Variants in TRAPPC8 observed in about 807,000 individuals in gnomAD.
TRAPPC8 encodes the protein general sporulation gene 1 homolog.
A neutral mutation model predicts 174.3 loss-of-function variants in TRAPPC8; 54 were observed. The observed-to-expected ratio is 0.31, with a 90% CI of 0.25 to 0.39. The LOEUF (loss-of-function observed/expected upper bound fraction) is 0.39. Among genes scored for constraint, TRAPPC8 ranks in the 10% least tolerant of loss-of-function variants. The pLI is 1.00. For missense variants in TRAPPC8, 1,531 were observed against 1,699.1 expected (o/e 0.90, Z 1.74); for synonymous variants, 630 against 579.9 (o/e 1.09, Z -1.24).
At position 31,943,025 on chromosome 18, in the gene TRAPPC8, C is replaced by T; in HGVS notation, c.-261G>A. On this transcript the variant is annotated 5_prime_UTR_variant, in exon 1 of 29. Coordinates refer to ENST00000283351, the MANE Select transcript of TRAPPC8 (RefSeq NM_014939.5). ...CGCATTCCACCCCGATAGGTGGAGA[C>T]GCCGACAGTCACCACTTAGTCCTTC... 1.7e-6 allele frequency: 1 copy of T among 595,594 alleles called. No homozygotes were observed. Among genetic ancestry groups the T allele is most frequent in the Admixed American group, 4.4e-5 (1 of 22,930 alleles). 36.9% of individuals were successfully genotyped at this position (595,594 alleles called of 1,614,324 possible). A position where few individuals can be genotyped will look rare whatever the true frequency, so the allele number is the denominator to read the frequency against.
At chr18:31,832,047 C>A in intron 28 of TRAPPC8, 37 bp downstream of exon 28, 1 of 1,336,558 alleles carries the variant, frequency 7.5e-7, no homozygotes, top group Non-Finnish European at 1.0e-6. Flanking sequence ...TTAAATTGCT[C>A]CCAAATCAAA....
At chr18:31,847,200 A>C (rs2033453854) in intron 25 of TRAPPC8, among the ~76,000 whole-genome samples, 1 of 152,226 alleles carries the variant, frequency 6.6e-6, no homozygotes, top group Middle Eastern at 3.2e-3. Context: ...GAAATGTCCT[A>C]GGGTTTATCA....
At chr18:31,849,539 T>C (rs2033596143) in intron 25 of TRAPPC8, 27 bp downstream of exon 25, 2 of 1,551,556 alleles carry the variant, frequency 1.3e-6, no homozygotes, top group Admixed American at 1.9e-5. Flanking sequence ...TAAGTGAGGC[T>C]TGCTGAAATA....
intron 20 of TRAPPC8, among the ~76,000 whole-genome samples, chr18:31,856,633 G>A (rs80078064): frequency 0.034 from 5,120 of 151,928 alleles, 293 homozygotes; most frequent in African/African-American, 0.12. Context: ...CATTTCAAAG[G>A]TTTCTTCCTC....
rs150841405 is a variant in TRAPPC8, at chr18:31,838,374, G to A, written c.3983+938C>T. 1.7e-3 allele frequency among the ~76,000 whole-genome samples: 264 copies of A among 152,212 alleles called. 1 individual carries two copies. Among genetic ancestry groups the A allele is most frequent in the African/African-American group, 5.0e-3 (207 of 41,534 alleles). On this transcript the variant is annotated intron_variant, in intron 27 of 28. Transcript: ENST00000283351. ...CGTGTAAGAAGGTCCCTTCTTTAGC[G>A]CAAAGCAAATCCTGTCATTCTTCAG...
Position 31,864,618 on chromosome 18 carries a change from G to T in TRAPPC8, c.2745+9C>A, listed in dbSNP as rs114465558. The T allele has an allele frequency of 6.2e-7, 1 of 1,605,336 alleles. No individual in the cohort carries two copies. Reference sequence around the variant, plus strand: ...AATTAAGTCCATGAAATTTTAAAAAGTGAAATACCTCCAACAGTGGCATTT... The same window carrying T: ...AATTAAGTCCATGAAATTTTAAAAATTGAAATACCTCCAACAGTGGCATTT... On this transcript the variant is annotated intron_variant, in intron 19 of 28. Coordinates refer to ENST00000283351, the MANE Select transcript of TRAPPC8 (RefSeq NM_014939.5).
At chr18:31,873,310 AC>A (rs1388123376) in intron 14 of TRAPPC8, 119 bp downstream of exon 14, 3 of 821,280 alleles carry the variant, frequency 3.7e-6, no homozygotes, top group Non-Finnish European at 5.7e-6. Context: ...AGCCAATCGT[AC>A]CCGGCTGAGC....
intron 12 of TRAPPC8, among the ~76,000 whole-genome samples, chr18:31,880,822 A>C (rs2035413465): frequency 6.6e-6 from 1 of 152,136 alleles, no homozygotes; most frequent in Non-Finnish European, 1.5e-5. Flanking sequence ...ATACAAATTT[A>C]ATGCACAAAA....
At chr18:31,850,823 C>T (rs933931531) in intron 24 of TRAPPC8, among the ~76,000 whole-genome samples, 1 of 152,092 alleles carries the variant, frequency 6.6e-6, no homozygotes, top group African/African-American at 2.4e-5. Flanking sequence ...AGTGCTCTTA[C>T]ACTAAATTAT....
intron 27 of TRAPPC8, among the ~76,000 whole-genome samples, chr18:31,835,628 C>T (rs924025432): frequency 6.6e-6 from 1 of 152,198 alleles, no homozygotes; most frequent in African/African-American, 2.4e-5. Context: ...ACTCTCTCAT[C>T]TGTTTTTGAG....
At position 31,904,162 on chromosome 18, in the gene TRAPPC8, A is replaced by G. The variant is rs369480299; in HGVS notation, c.1390-3137T>C. 5.9e-5 allele frequency among the ~76,000 whole-genome samples: 9 copies of G among 151,982 alleles called. No individual in the cohort carries two copies. The South Asian group carries it at 1.2e-3, about 21-fold the overall frequency. ...TGAGGTAGGAGGATCAGTTGAGCCC[A>G]GGAGGTGGAGGCTGCATAAACTGTC... On this transcript the variant is annotated intron_variant, in intron 9 of 28. Transcript: ENST00000283351.
chr18:31,914,764 A>T (rs1230558013), intron 4 of TRAPPC8, among the ~76,000 whole-genome samples: 1 of 152,232 alleles, frequency 6.6e-6, no homozygotes, highest in Non-Finnish European at 1.5e-5. Context: ...AGCCAAAATA[A>T]GCTCCAAAGC....
chr18:31,895,532 G>T (rs2036147396), intron 11 of TRAPPC8, among the ~76,000 whole-genome samples: 1 of 152,148 alleles, frequency 6.6e-6, no homozygotes, highest in Middle Eastern at 3.2e-3. Context: ...GAGTTGGAAA[G>T]AAGAGAAAAA....
intron 2 of TRAPPC8, among the ~76,000 whole-genome samples, chr18:31,927,644 C>A (rs1018206728): frequency 3.9e-5 from 6 of 152,114 alleles, no homozygotes; most frequent in African/African-American, 1.4e-4. Flanking sequence ...CTCAAGTGAT[C>A]CTCCCACCTT....
rs1385286529 is a variant in TRAPPC8, at chr18:31,890,780, T to C, written c.1683A>G (p.Ala561=). ...GATGGCCTGCCAATATCATATGAAA[T>C]GCATATTTTCTAACCATGGGACTTT... ...NMKSPMVRKY[A]FHMILAGHRF... Residue 561 remains alanine, a synonymous_variant, in exon 12 of 29, where the codon GCA becomes GCG. Transcript: ENST00000283351. 3.7e-6 allele frequency: 6 copies of C among 1,612,474 alleles called. No homozygotes were observed. In the Admixed American group the frequency reaches 1.0e-4, roughly 27 times the overall value.
intron 2 of TRAPPC8, among the ~76,000 whole-genome samples, chr18:31,920,242 G>C (rs1293891882): frequency 6.6e-6 from 1 of 152,100 alleles, no homozygotes; most frequent in African/African-American, 2.4e-5. Context: ...TATGAAATTG[G>C]GTTTGTTTCA....
Position 31,907,481 on chromosome 18 carries a change from C to A in TRAPPC8, c.1368G>T (p.Met456Ile). The A allele has an allele frequency of 6.2e-7, 1 of 1,604,192 alleles. No homozygotes were observed. Among genetic ancestry groups the A allele is most frequent in the Non-Finnish European group, 8.5e-7 (1 of 1,174,174 alleles). The change falls in exon 9 of 29, where the codon ATG becomes ATT. Residue 456 changes from methionine (M) to isoleucine (I), a missense_variant. Physicochemically the swap from Met to Ile is conservative, Grantham distance 10. Coordinates refer to ENST00000283351, the MANE Select transcript of TRAPPC8 (RefSeq NM_014939.5). ...CAACCAAGGCACCAGCTGCATAAAG[C>A]ATTGCTTGATCATTAAGAAAATCTT... Reference protein sequence around the residue: ...AKKDFLNDQAMLYAAGALEMA... With the variant: ...AKKDFLNDQAILYAAGALEMA...
At chr18:31,924,788 T>C (rs2037544479) in intron 2 of TRAPPC8, among the ~76,000 whole-genome samples, 1 of 144,228 alleles carries the variant, frequency 6.9e-6, no homozygotes. Context: ...TAAGCTATAG[T>C]AATTGCCTCC....
intron 25 of TRAPPC8, among the ~76,000 whole-genome samples, chr18:31,849,328 T>A (rs769674204): frequency 2.0e-5 from 3 of 152,100 alleles, no homozygotes; most frequent in Non-Finnish European, 4.4e-5. Context: ...CTTTCAGAGC[T>A]TATCATGTCT....
Sources: allele counts gnomAD v4.1 joint callset (sites outside exome capture counted in the v4.1 genomes callset), GRCh38; gene constraint gnomAD v4.1.1; transcripts MANE v1.5; gene names NCBI Gene and HGNC (gene_info 2026-07-23, HGNC 2026-07-21).